Variants in ZBTB11 observed in about 807,000 individuals in gnomAD.
The protein encoded by ZBTB11 is zinc finger and BTB domain containing 11, also known as zinc finger and BTB domain-containing protein 11.
In ZBTB11, 68 loss-of-function variants were observed where a neutral mutation model predicts 113.1. The ratio of observed to expected loss-of-function variants is 0.60; its 90% confidence interval spans 0.49 to 0.74. The LOEUF is 0.74. ZBTB11 is among the 30% of genes least tolerant of loss of function. ZBTB11 has a pLI of 0.00. For missense variants in ZBTB11, 1,104 were observed against 1,279.4 expected, an observed-to-expected ratio of 0.86 and a Z score of 2.09; for synonymous variants, 518 against 452.6, an observed-to-expected ratio of 1.14 and a Z score of -1.83.
Position 101,651,315 on chromosome 3 carries a change from A to G in ZBTB11, c.3013T>C (p.Tyr1005His). 1.2e-6 allele frequency: 2 copies of G among 1,613,850 alleles called. No homozygotes were observed. Among genetic ancestry groups the G allele is most frequent in the Non-Finnish European group, 1.7e-6 (2 of 1,179,950 alleles). The change falls in exon 11 of 11, where the codon TAT (tyrosine) becomes CAT (histidine). Residue 1005 changes from tyrosine (Y) to histidine (H), a missense_variant. Tyr to His is a moderately conservative substitution (Grantham distance 83). Transcript: ENST00000312938. ...ALEAVAATEE[Y>H]PSVSTLSDQS... The stretch of plus-strand genomic sequence containing the variant: ...TCAGAAAGTGTAGATACCGATGGAT[A>G]CTCTTCAGTAGCTGCAACAGCTTCC...
intron 7 of ZBTB11, among the ~76,000 whole-genome samples, chr3:101,655,028 C>T (rs1460060612): frequency 6.6e-6 from 1 of 152,102 alleles, no homozygotes; most frequent in Non-Finnish European, 1.5e-5. Context: ...TAGGCACGTG[C>T]CACCACACCC....
intron 7 of ZBTB11, chr3:101,655,785 C>G (rs568415365): frequency 1.3e-5 from 2 of 153,532 alleles, no homozygotes; most frequent in African/African-American, 4.8e-5. Flanking sequence ...CTCAGCCTCC[C>G]GAGCAGCTAG....
chr3:101,652,849 T>G lies in ZBTB11; in HGVS notation c.2399A>C (p.Asp800Ala). 1 of 1,614,142 alleles carries G rather than the reference T, an allele frequency of 6.2e-7. No homozygotes were observed. Among genetic ancestry groups the G allele is most frequent in the South Asian group, 1.1e-5 (1 of 91,070 alleles). Residue 800 changes from aspartate to alanine, a missense_variant, in exon 9 of 11, where the codon GAT becomes GCT. Physicochemically the swap from Asp to Ala is moderately radical, Grantham distance 126. This residue lies in a region of ZBTB11 where 148 missense variants were observed against 259.3 expected (regional missense o/e 0.57). Transcript: ENST00000312938. ...GVKPFQCQFC[D>A]KCYSWKKDWY... ...ATCTTTCTTCCAACTATAGCACTTA[T>G]CACAAAATTGGCACTGGAATGGCTT...
At chr3:101,667,543 A>G (rs910973396) in intron 3 of ZBTB11, among the ~76,000 whole-genome samples, 9 of 152,238 alleles carry the variant, frequency 5.9e-5, no homozygotes, top group Non-Finnish European at 8.8e-5. Flanking sequence ...AGGATGAACA[A>G]ACATACAGAG....
intron 1 of ZBTB11, among the ~76,000 whole-genome samples, chr3:101,674,131 T>A (rs1474274355): frequency 6.8e-6 from 1 of 147,866 alleles, no homozygotes; most frequent in Non-Finnish European, 1.5e-5. Flanking sequence ...AGGTAAGAAG[T>A]TCGAGACAAG....
intron 1 of ZBTB11, among the ~76,000 whole-genome samples, chr3:101,675,639 CCCTTA>C: frequency 6.6e-6 from 1 of 152,338 alleles, no homozygotes; most frequent in Non-Finnish European, 1.5e-5. Flanking sequence ...TTGCTATCCT[CCCTTA>C]CAACTGGTTC....
intron 3 of ZBTB11, 51 bp from the exon 4 acceptor site, chr3:101,665,859 C>A: frequency 6.8e-7 from 1 of 1,479,698 alleles, no homozygotes; most frequent in South Asian, 1.4e-5. Flanking sequence ...ATCAATGAAA[C>A]AATACAGAAT....
chr3:101,652,565 C>A lies in ZBTB11; in HGVS notation c.2575G>T (p.Val859Leu), dbSNP rs762967746. Reference sequence around the variant, plus strand: ...AATTTTCTTCCACATTTTTCACACACCCGTTCCAGGTTTTGCTTTGCTCTT... The same window carrying A: ...AATTTTCTTCCACATTTTTCACACAACCGTTCCAGGTTTTGCTTTGCTCTT... Reference protein sequence around the residue: ...KGRAKQNLERVCEKCGRKFTQ... With the variant: ...KGRAKQNLERLCEKCGRKFTQ... The change falls in exon 10 of 11, where the codon GTG becomes TTG. Residue 859 changes from valine to leucine, a missense_variant. By Grantham distance (32) the Val-to-Leu change is conservative. Coordinates refer to ENST00000312938, the MANE Select transcript of ZBTB11 (RefSeq NM_014415.4). The A allele has an allele frequency of 6.2e-7, 1 of 1,614,166 alleles. No individual in the cohort carries two copies. The highest frequency in any genetic ancestry group is 1.7e-5 in the Admixed American group (1 of 60,020).
At chr3:101,660,708 C>T (rs1936873300) in intron 5 of ZBTB11, among the ~76,000 whole-genome samples, 1 of 152,172 alleles carries the variant, frequency 6.6e-6, no homozygotes, top group Admixed American at 6.5e-5. Context: ...TCCATTACCC[C>T]TCTTTATCAA....
intron 5 of ZBTB11, among the ~76,000 whole-genome samples, chr3:101,660,262 A>T (rs1037263466): frequency 6.6e-6 from 1 of 152,140 alleles, no homozygotes; most frequent in African/African-American, 2.4e-5. Flanking sequence ...TTGGGCTTGA[A>T]ATGGGTCTTT....
chr3:101,664,759 T>A (rs1289834913), intron 4 of ZBTB11, 45 bp from the exon 5 acceptor site: 1 of 1,531,518 alleles, frequency 6.5e-7, no homozygotes, highest in East Asian at 2.3e-5. Flanking sequence ...CTACTCAATT[T>A]TAATTTTTAA....
In ZBTB11 at chr3:101,665,103, T is replaced by C; in HGVS notation, c.1484A>G (p.Asp495Gly). Residue 495 changes from aspartate (D) to glycine (G), a missense_variant, in exon 4 of 11, where the codon GAC becomes GGC. Physicochemically the swap from Asp to Gly is moderately conservative, Grantham distance 94. Transcript: ENST00000312938. ...ATAAGTATCATCATCAGGGCCAAAG[T>C]CTGTCTTTGCTGTTGATGCAACTAG... ...ENLVASTAKT[D>G]FGPDDDTYRS... The C allele has an allele frequency of 1.2e-6, 2 of 1,614,154 alleles. No individual in the cohort carries two copies. The highest frequency in any genetic ancestry group is 1.7e-6 in the Non-Finnish European group (2 of 1,180,020).
At chr3:101,666,362 G>A (rs1576650183) in intron 3 of ZBTB11, among the ~76,000 whole-genome samples, 2 of 152,196 alleles carry the variant, frequency 1.3e-5, no homozygotes, top group South Asian at 2.1e-4. Context: ...TGAGATGTCT[G>A]CTAAAACTGC....
At chr3:101,670,627 CTTTTTA>C (rs1434850827) in intron 3 of ZBTB11, 5 of 152,352 alleles carry the variant, frequency 3.3e-5, no homozygotes, top group African/African-American at 9.7e-5. Flanking sequence ...TTTTTATTTG[CTTTTTA>C]TTTTTAGAGG....
At chr3:101,670,187 A>G (rs1386138587) in intron 3 of ZBTB11, among the ~76,000 whole-genome samples, 1 of 152,230 alleles carries the variant, frequency 6.6e-6, no homozygotes, top group African/African-American at 2.4e-5. Context: ...TCTTCCCAGA[A>G]GAGGTAGGAC....
chr3:101,656,383 A>T (rs1936798778), intron 6 of ZBTB11, 135 bp from the exon 7 acceptor site: 1 of 529,754 alleles, frequency 1.9e-6, no homozygotes, highest in Non-Finnish European at 2.6e-6. Context: ...ACATAATGAC[A>T]AAGTGAAAGT....
intron 5 of ZBTB11, among the ~76,000 whole-genome samples, chr3:101,662,484 T>A (rs1198584569): frequency 6.6e-6 from 1 of 151,926 alleles, no homozygotes; most frequent in African/African-American, 2.4e-5. Context: ...ATTAGCCGGG[T>A]ATGGTGGCGC....
At chr3:101,653,756 C>CT (rs1936745703) in intron 8 of ZBTB11, among the ~76,000 whole-genome samples, 1 of 152,054 alleles carries the variant, frequency 6.6e-6, no homozygotes, top group African/African-American at 2.4e-5. Context: ...ACCAGGAACT[C>CT]TAAAAACTAA....
At position 101,651,415 on chromosome 3, in the gene ZBTB11, G is replaced by C; in HGVS notation, c.2913C>G (p.Gly971=). ...GACCACTGCTTTCTTGTTCCTGCAT[G>C]CCTGCTGTTAAGATGCTAACAGCAT... is the stretch of plus-strand genomic sequence containing the variant. ...VAHAVSILTA[G]MQEQESSGPQ... The change falls in exon 11 of 11, where the codon GGC becomes GGG. Residue 971 remains glycine (G), a synonymous_variant. Coordinates refer to ENST00000312938, the MANE Select transcript of ZBTB11 (RefSeq NM_014415.4). 1.2e-6 allele frequency: 2 copies of C among 1,614,128 alleles called. No individual in the cohort carries two copies. The highest frequency in any genetic ancestry group is 1.7e-6 in the Non-Finnish European group (2 of 1,180,000).
Sources: gnomAD v4.1 joint callset for allele counts (sites outside exome capture counted in the v4.1 genomes callset) on GRCh38, gnomAD v4.1.1 for gene constraint, gnomAD v4.1.1 regional missense constraint, MANE v1.5 for transcripts, NCBI Gene and HGNC (gene_info 2026-07-23, HGNC 2026-07-21) for gene names.